Variants in TJP2 observed in about 807,000 individuals in gnomAD.
The protein encoded by TJP2 is Friedreich ataxia region gene X104 (tight junction protein ZO-2).
A neutral mutation model predicts 133.1 loss-of-function variants in TJP2; 91 were observed. The ratio of observed to expected loss-of-function variants is 0.68; its 90% CI spans 0.58 to 0.81. The LOEUF is 0.81. TJP2 is among the 40% of genes least tolerant of loss of function. The pLI is 0.00. For missense variants in TJP2, 1,541 were observed against 1,565.6 expected, an observed-to-expected ratio of 0.98 and a Z score of 0.26; for synonymous variants, 592 against 583.4, an observed-to-expected ratio of 1.01 and a Z score of -0.21.
At chr9:69,233,870 C>G (rs1013926181) in intron 11 of TJP2, among the ~76,000 whole-genome samples, 2 of 152,120 alleles carry the variant, frequency 1.3e-5, no homozygotes, top group African/African-American at 4.8e-5. Flanking sequence ...AAGGCTGATG[C>G]TCTTTAATTT....
intron 17 of TJP2, among the ~76,000 whole-genome samples, chr9:69,243,338 C>A (rs577335058): frequency 6.6e-6 from 1 of 152,232 alleles, no homozygotes; most frequent in East Asian, 1.9e-4. Flanking sequence ...TAAGAAAGCT[C>A]CTCTTCCTCA....
At position 69,216,381 on chromosome 9, in the gene TJP2, G is replaced by C. The variant is rs1828378970; in HGVS notation, c.157G>C (p.Asp53His). Residue 53 changes from aspartate (D) to histidine (H), a missense_variant, in exon 3 of 23, where the codon GAC becomes CAC. Transcript: ENST00000377245. The part of the protein sequence containing the change: ...GFGIAVSGGR[D>H]NPHFENGETS... ...TGGAATTGCAGTGTCCGGAGGCAGA[G>C]ACAACCCCCACTTTGAAAATGGAGA... 1 of 1,614,160 alleles carries C rather than the reference G, an allele frequency of 6.2e-7. No homozygotes were observed. The highest frequency in any genetic ancestry group is 8.5e-7 in the Non-Finnish European group (1 of 1,180,028).
chr9:69,137,019 T>C (rs1414166028), intron 1 of TJP2, among the ~76,000 whole-genome samples: 2 of 151,998 alleles, frequency 1.3e-5, no homozygotes, highest in Non-Finnish European at 2.9e-5. Flanking sequence ...CTGAGCAGAG[T>C]GGAAGGAGTC....
chr9:69,192,915 T>A (rs1346547391), intron 1 of TJP2, among the ~76,000 whole-genome samples: 44 of 135,224 alleles, frequency 3.3e-4, no homozygotes, highest in African/African-American at 1.1e-3. Flanking sequence ...CTTCCTTCTC[T>A]CTCACTTTTT....
At chr9:69,128,778 G>A (rs1457246842) in intron 1 of TJP2, among the ~76,000 whole-genome samples, 6 of 152,062 alleles carry the variant, frequency 3.9e-5, no homozygotes, top group South Asian at 2.1e-4. Flanking sequence ...CGCCCGCCTC[G>A]GCCTCCCAAA....
chr9:69,249,327 C>G (rs1444454455), intron 19 of TJP2, 48 bp from the exon 20 acceptor site: 2 of 1,564,660 alleles, frequency 1.3e-6, no homozygotes, highest in Non-Finnish European at 1.7e-6. Context: ...GTGCTCTGTT[C>G]TCTCTGCTTG....
At chr9:69,228,491 G>A (rs548745181) in intron 9 of TJP2, among the ~76,000 whole-genome samples, 2 of 152,200 alleles carry the variant, frequency 1.3e-5, no homozygotes, top group East Asian at 3.9e-4. Context: ...ACTTGGACGT[G>A]CACCCACTGA....
Position 69,221,033 on chromosome 9 carries a change from C to T in TJP2, c.489C>T (p.Ser163=). 6.2e-7 allele frequency: 1 copy of T among 1,608,434 alleles called. No homozygotes were observed. The highest frequency in any genetic ancestry group is 8.5e-7 in the Non-Finnish European group (1 of 1,178,128). ...ACAGCGAGAGGAGCCGGCTGAACAG[C>T]CATGGGGGGCGCAGCCGCAGCTGGG... The part of the protein sequence containing the change: ...SGYSERSRLN[S]HGGRSRSWED... Residue 163 remains serine (S), a synonymous_variant, in exon 5 of 23, where the codon AGC becomes AGT. Transcript: ENST00000377245.
intron 3 of TJP2, among the ~76,000 whole-genome samples, chr9:69,216,716 C>T (rs538342161): frequency 8.5e-5 from 13 of 152,304 alleles, no homozygotes; most frequent in South Asian, 8.3e-4. Flanking sequence ...CCAAACATCC[C>T]TCCTAGGTTT....
chr9:69,218,966 G>A (rs1413056965), intron 4 of TJP2, among the ~76,000 whole-genome samples: 1 of 130,340 alleles, frequency 7.7e-6, no homozygotes, highest in African/African-American at 3.1e-5. Context: ...GTGTGTGTGT[G>A]TGTATTTTTT....
chr9:69,230,315 A>C, intron 11 of TJP2, 83 bp downstream of exon 11: 1 of 1,576,324 alleles, frequency 6.3e-7, no homozygotes, highest in East Asian at 2.2e-5. Flanking sequence ...GGGAAGACAA[A>C]ATGGTTCAGC....
intron 1 of TJP2, among the ~76,000 whole-genome samples, chr9:69,190,749 A>G (rs912389680): frequency 1.3e-5 from 2 of 152,142 alleles, no homozygotes; most frequent in African/African-American, 4.8e-5. Context: ...TTCTGTTACT[A>G]AGTTTTGCAT....
chr9:69,221,190 A>G lies in TJP2; in HGVS notation c.646A>G (p.Ser216Gly), dbSNP rs761515312. Residue 216 changes from serine to glycine, a missense_variant, in exon 5 of 23, where the codon AGC (serine) becomes GGC (glycine). Coordinates refer to ENST00000377245, the MANE Select transcript of TJP2 (RefSeq NM_004817.4). ...AGACCATGCGCGCACCCGAGACCGC[A>G]GCCGTGGCCGGAGCCTGGAGCGGGG... ...DQDHARTRDRSRGRSLERGLD... is the reference protein window; with the variant it reads ...DQDHARTRDRGRGRSLERGLD... 3.1e-6 allele frequency: 5 copies of G among 1,600,942 alleles called. No homozygotes were observed. Among genetic ancestry groups the G allele is most frequent in the South Asian group, 1.1e-5 (1 of 89,474 alleles).
At chr9:69,231,584 C>T (rs954193017) in intron 11 of TJP2, among the ~76,000 whole-genome samples, 2 of 152,128 alleles carry the variant, frequency 1.3e-5, no homozygotes, top group Non-Finnish European at 1.5e-5. Flanking sequence ...AAGCAAGCAG[C>T]AGCAAAGTAC....
At chr9:69,129,967 A>G (rs998972115) in intron 1 of TJP2, among the ~76,000 whole-genome samples, 4 of 149,824 alleles carry the variant, frequency 2.7e-5, no homozygotes, top group African/African-American at 4.9e-5. Flanking sequence ...GTGAGCCAAG[A>G]TCACGCCATT....
chr9:69,151,566 GTATGTGGAC>G, intron 1 of TJP2: 1 of 1,222,330 alleles, frequency 8.2e-7, no homozygotes, highest in Non-Finnish European at 1.0e-6. Flanking sequence ...AAATTGTATG[GTATGTGGAC>G]TTCAGTGCAT....
intron 2 of TJP2, among the ~76,000 whole-genome samples, chr9:69,153,459 C>T (rs1042020231): frequency 6.6e-5 from 10 of 152,052 alleles, no homozygotes; most frequent in African/African-American, 2.4e-4. Context: ...TGGTGCCTGC[C>T]AGTAATCCCA....
intron 1 of TJP2, among the ~76,000 whole-genome samples, chr9:69,141,366 C>A (rs530525444): frequency 6.6e-6 from 1 of 152,060 alleles, no homozygotes; most frequent in East Asian, 1.9e-4. Context: ...TCTGCTCCCC[C>A]GAGCAGGACC....
chr9:69,186,391 A>T (rs570550037), intron 1 of TJP2, among the ~76,000 whole-genome samples: 1 of 152,364 alleles, frequency 6.6e-6, no homozygotes, highest in Admixed American at 6.5e-5. Context: ...AAATGGAAAG[A>T]TAAGTATAAC....
Sources: gnomAD v4.1 joint callset for allele counts (sites outside exome capture counted in the v4.1 genomes callset) on GRCh38, gnomAD v4.1.1 for gene constraint, MANE v1.5 for transcripts, NCBI Gene and HGNC (gene_info 2026-07-23, HGNC 2026-07-21) for gene names.